The following CYB5R4 variants were observed in gnomAD, a reference collection of about 807,000 sequenced individuals.
The protein encoded by CYB5R4 is cytochrome b5 reductase 4, also known as N-terminal cytochrome b5 and cytochrome b5 oxidoreductase domain-containing protein.
CYB5R4 carries 55 observed loss-of-function variants against 70.2 expected under a neutral mutation model. The ratio of observed to expected loss-of-function variants is 0.78; its 90% CI spans 0.63 to 0.98. CYB5R4 has a LOEUF of 0.98. CYB5R4 is among the 50% of genes least tolerant of loss of function. The pLI, the probability that CYB5R4 is intolerant of heterozygous loss-of-function variation, is 0.00. For synonymous variants in CYB5R4, 197 were observed against 199.5 expected, an observed-to-expected ratio of 0.99 and a Z score of 0.11; for missense variants, 562 against 612.6, an observed-to-expected ratio of 0.92 and a Z score of 0.87.
intron 2 of CYB5R4, among the ~76,000 whole-genome samples, chr6:83,874,716 T>C (rs1027705285): frequency 5.9e-5 from 9 of 152,290 alleles, no homozygotes; most frequent in Non-Finnish European, 7.4e-5. Context: ...TGATCGCTTC[T>C]TCCCCAAGGC....
At chr6:83,944,039 C>A (rs78785876) in intron 14 of CYB5R4, among the ~76,000 whole-genome samples, 6,374 of 152,152 alleles carry the variant, frequency 0.042, 452 homozygotes, top group African/African-American at 0.15. Context: ...AGAACTTCCC[C>A]AACCTAGCAA....
At chr6:83,872,598 T>C (rs753377814) in intron 2 of CYB5R4, among the ~76,000 whole-genome samples, 8 of 152,220 alleles carry the variant, frequency 5.3e-5, no homozygotes, top group African/African-American at 1.2e-4. Flanking sequence ...TGGTTTCCCT[T>C]CTGAGATCAC....
intron 4 of CYB5R4, among the ~76,000 whole-genome samples, chr6:83,913,160 C>T (rs2099464950): frequency 6.6e-6 from 1 of 152,088 alleles, no homozygotes; most frequent in Admixed American, 6.5e-5. Context: ...ATCACAACTG[C>T]AACAGCAAAG....
chr6:83,892,439 G>C (rs917568461), intron 2 of CYB5R4, among the ~76,000 whole-genome samples: 21 of 152,094 alleles, frequency 1.4e-4, no homozygotes, highest in African/African-American at 5.1e-4. Flanking sequence ...AAAAAAACCA[G>C]TCGTTGTTAT....
At chr6:83,937,149 CCTG>C (rs1462337934) in intron 12 of CYB5R4, among the ~76,000 whole-genome samples, 2 of 152,080 alleles carry the variant, frequency 1.3e-5, no homozygotes, top group African/African-American at 4.8e-5. Flanking sequence ...ATGGCGGGCG[CCTG>C]TAATCCCAGC....
intron 15 of CYB5R4, among the ~76,000 whole-genome samples, chr6:83,956,671 A>C (rs2099472475): frequency 1.3e-5 from 2 of 152,200 alleles, no homozygotes; most frequent in Admixed American, 6.5e-5. Flanking sequence ...TTCTTTACAG[A>C]TGCAAATTTT....
chr6:83,957,482 ATGG>A (rs1283150454), intron 15 of CYB5R4, among the ~76,000 whole-genome samples: 1 of 151,978 alleles, frequency 6.6e-6, no homozygotes, highest in Non-Finnish European at 1.5e-5. Flanking sequence ...TTAGCCGAGC[ATGG>A]TGGTGGGCAC....
chr6:83,932,957 A>G (rs1455076685), intron 10 of CYB5R4, among the ~76,000 whole-genome samples: 4 of 152,208 alleles, frequency 2.6e-5, no homozygotes, highest in Admixed American at 2.6e-4. Flanking sequence ...GTAAAGGTAT[A>G]TATTCCAAGA....
chr6:83,908,712 T>G (rs1189457568), intron 3 of CYB5R4, among the ~76,000 whole-genome samples: 1 of 152,020 alleles, frequency 6.6e-6, no homozygotes, highest in South Asian at 2.1e-4. Flanking sequence ...ATGTCAAAAC[T>G]GAAAAAAAAG....
At position 83,959,951 on chromosome 6, in the gene CYB5R4, C is replaced by T. The variant is rs571521567; in HGVS notation, c.*73C>T. Reference sequence around the variant, plus strand: ...GATTGCTTAGGGTTTTTTAAGAGAACATTTTTGTACATAACAAAAGGTTAA... The same window carrying T: ...GATTGCTTAGGGTTTTTTAAGAGAATATTTTTGTACATAACAAAAGGTTAA... On this transcript the variant is annotated 3_prime_UTR_variant, in exon 16 of 16. Coordinates refer to ENST00000369681, the MANE Select transcript of CYB5R4 (RefSeq NM_016230.4). 4.4e-5 allele frequency: 50 copies of T among 1,135,630 alleles called. No individual in the cohort carries two copies. In the African/African-American group the frequency reaches 7.7e-4, roughly 17 times the overall value. The allele number at this position is 1,135,630 out of a possible 1,614,324, so 70.3% of individuals were successfully genotyped here.
At chr6:83,944,704 A>G (rs2099470290) in intron 14 of CYB5R4, among the ~76,000 whole-genome samples, 1 of 152,170 alleles carries the variant, frequency 6.6e-6, no homozygotes, top group African/African-American at 2.4e-5. Flanking sequence ...TCATGTACAA[A>G]GACACACATA....
Position 83,893,514 on chromosome 6 carries a change from TG to T in CYB5R4, c.230-6del. 1 of 1,546,236 alleles carries T rather than the reference TG, an allele frequency of 6.5e-7. No homozygotes were observed. Among genetic ancestry groups the T allele is most frequent in the Non-Finnish European group, 8.9e-7 (1 of 1,126,804 alleles). On this transcript the variant is annotated splice_region_variant and splice_polypyrimidine_tract_variant and intron_variant, in intron 2 of 15. Coordinates refer to ENST00000369681, the MANE Select transcript of CYB5R4 (RefSeq NM_016230.4). ...TTTAGGATATTATTTCTGTTTGCTT[TG>T]GTACAGGTTTCGTTTATAATGTCAG...
rs1488022919 is a variant in CYB5R4, at chr6:83,917,989, A to G, written c.446-16A>G. On this transcript the variant is annotated splice_polypyrimidine_tract_variant and intron_variant, in intron 5 of 15. Transcript: ENST00000369681. ...AATACTTTGTAGATGAACTATAGCT[A>G]TCTTTCTTTGTAAAGGCATGCTTCC... The G allele has an allele frequency of 4.4e-6, 7 of 1,603,750 alleles. No homozygotes were observed. The highest frequency in any genetic ancestry group is 2.2e-5 in the East Asian group (1 of 44,770).
At chr6:83,888,281 A>C (rs2099460562) in intron 2 of CYB5R4, among the ~76,000 whole-genome samples, 1 of 152,226 alleles carries the variant, frequency 6.6e-6, no homozygotes, top group Non-Finnish European at 1.5e-5. Flanking sequence ...CATATATAGT[A>C]CAAATAGAGT....
chr6:83,931,346 A>C (rs1562842168), intron 10 of CYB5R4, among the ~76,000 whole-genome samples: 1 of 152,294 alleles, frequency 6.6e-6, no homozygotes, highest in Non-Finnish European at 1.5e-5. Flanking sequence ...AAGAGTAACT[A>C]AGTGCTTCAA....
chr6:83,878,177 C>T (rs913314892), intron 2 of CYB5R4, among the ~76,000 whole-genome samples: 2 of 151,878 alleles, frequency 1.3e-5, no homozygotes, highest in Admixed American at 1.3e-4. Context: ...TGGTTCCCAT[C>T]TCTCTGCTGG....
At chr6:83,915,994 C>T (rs954643366) in intron 5 of CYB5R4, among the ~76,000 whole-genome samples, 1 of 151,986 alleles carries the variant, frequency 6.6e-6, no homozygotes, top group South Asian at 2.1e-4. Context: ...ACATTCACCC[C>T]GTATTCTTTC....
intron 14 of CYB5R4, among the ~76,000 whole-genome samples, chr6:83,951,444 C>T (rs776380222): frequency 9.9e-5 from 15 of 152,174 alleles, no homozygotes; most frequent in African/African-American, 3.4e-4. Context: ...GCCCCTCCAC[C>T]GCCCAACAGG....
intron 3 of CYB5R4, among the ~76,000 whole-genome samples, chr6:83,896,330 T>C (rs1167140279): frequency 1.3e-5 from 2 of 152,206 alleles, no homozygotes; most frequent in Non-Finnish European, 2.9e-5. Flanking sequence ...TCTCAGTGGC[T>C]CACCCCTGAC....
Sources: gnomAD v4.1 joint callset for allele counts (sites outside exome capture counted in the v4.1 genomes callset) on GRCh38, gnomAD v4.1.1 for gene constraint, MANE v1.5 for transcripts, NCBI Gene and HGNC (gene_info 2026-07-23, HGNC 2026-07-21) for gene names.